The following EPHA3 variants were observed in gnomAD, a reference collection of about 807,000 sequenced individuals.
EPHA3 encodes ephrin type-A receptor 3.
In EPHA3, 42 loss-of-function variants were observed where a neutral mutation model predicts 107.1. The observed-to-expected ratio is 0.39, with a 90% CI of 0.31 to 0.51. The LOEUF (loss-of-function observed/expected upper bound fraction) is 0.51, where lower values mean the gene tolerates loss of function less well. Ranked by LOEUF, EPHA3 falls within the 20% of genes least tolerant of loss-of-function variation. The pLI, the probability that EPHA3 is intolerant of heterozygous loss-of-function variation, is 0.78. For synonymous variants in EPHA3, 461 were observed against 424.8 expected, an observed-to-expected ratio of 1.09 and a Z score of -1.05; for missense variants, 1,183 against 1,211.2, an observed-to-expected ratio of 0.98 and a Z score of 0.35.
chr3:89,225,540 C>A (rs1704483274), intron 3 of EPHA3, among the ~76,000 whole-genome samples: 1 of 152,058 alleles, frequency 6.6e-6, no homozygotes, highest in African/African-American at 2.4e-5. Flanking sequence ...AATGTATTTT[C>A]AAAGAAAGTT....
intron 3 of EPHA3, among the ~76,000 whole-genome samples, chr3:89,325,269 C>T (rs1272513977): frequency 3.3e-5 from 5 of 152,090 alleles, no homozygotes; most frequent in African/African-American, 1.2e-4. Flanking sequence ...CAAATAAATA[C>T]ATTTCTTTCT....
At chr3:89,208,470 G>GAAAGAAAGAAAGAA (rs1706177205) in intron 2 of EPHA3, among the ~76,000 whole-genome samples, 2 of 128,992 alleles carry the variant, frequency 1.6e-5, no homozygotes, top group African/African-American at 6.1e-5. Context: ...AAGAAAGAAA[G>GAAAGAAAGAAAGAA]AAAGAAAGAA....
At chr3:89,215,976 T>C (rs1704215187) in intron 3 of EPHA3, among the ~76,000 whole-genome samples, 2 of 151,978 alleles carry the variant, frequency 1.3e-5, no homozygotes, top group East Asian at 1.9e-4. Context: ...ATCTGCTTTA[T>C]AGTATCAAGT....
At chr3:89,391,382 TTTTTCTTTTCTTTTC>T (rs58910915) in intron 5 of EPHA3, among the ~76,000 whole-genome samples, 1 of 138,364 alleles carries the variant, frequency 7.2e-6, no homozygotes, top group African/African-American at 2.8e-5. Context: ...TATTTGTATT[TTTTTCTTTTCTTTTC>T]TTTTCTTTTC....
intron 3 of EPHA3, among the ~76,000 whole-genome samples, chr3:89,266,737 C>T (rs1459847483): frequency 2.0e-5 from 3 of 151,730 alleles, no homozygotes; most frequent in Non-Finnish European, 2.9e-5. Flanking sequence ...TATTTCTGTT[C>T]GGACTGTAAA....
At chr3:89,185,949 G>A (rs1476157534) in intron 2 of EPHA3, among the ~76,000 whole-genome samples, 7 of 151,932 alleles carry the variant, frequency 4.6e-5, no homozygotes, top group African/African-American at 1.7e-4. Flanking sequence ...TACAAATAAT[G>A]CTTATTTTGT....
intron 2 of EPHA3, among the ~76,000 whole-genome samples, chr3:89,137,799 A>T (rs1037999444): frequency 9.9e-5 from 15 of 152,042 alleles, no homozygotes; most frequent in African/African-American, 3.6e-4. Flanking sequence ...TTAAAATCAT[A>T]TTATTACACA....
chr3:89,135,544 T>C (rs959302566), intron 2 of EPHA3, among the ~76,000 whole-genome samples: 1 of 152,120 alleles, frequency 6.6e-6, no homozygotes, highest in Non-Finnish European at 1.5e-5. Flanking sequence ...AATAATTTGA[T>C]GATTTACACT....
chr3:89,123,365 A>G (rs930295032), intron 1 of EPHA3, among the ~76,000 whole-genome samples: 2 of 148,952 alleles, frequency 1.3e-5, no homozygotes, highest in Non-Finnish European at 3.0e-5. Flanking sequence ...CTGGTCTTGA[A>G]CTCCTGACCT....
At chr3:89,164,401 C>A (rs9883603) in intron 2 of EPHA3, among the ~76,000 whole-genome samples, 2 of 151,970 alleles carry the variant, frequency 1.3e-5, no homozygotes, top group Admixed American at 6.5e-5. Flanking sequence ...GACACGCCCC[C>A]CTAAAAAATC....
intron 2 of EPHA3, among the ~76,000 whole-genome samples, chr3:89,146,654 C>T (rs1188164332): frequency 1.3e-5 from 2 of 151,942 alleles, no homozygotes; most frequent in Non-Finnish European, 2.9e-5. Flanking sequence ...CAATTAGATC[C>T]CATTTTTCAA....
intron 3 of EPHA3, among the ~76,000 whole-genome samples, chr3:89,304,418 A>G (rs796842170): frequency 2.2e-4 from 33 of 152,028 alleles, no homozygotes; most frequent in African/African-American, 7.5e-4. Flanking sequence ...TTTGACTACC[A>G]TATACAATTT....
At chr3:89,363,694 G>T (rs1559665459) in intron 5 of EPHA3, among the ~76,000 whole-genome samples, 1 of 150,862 alleles carries the variant, frequency 6.6e-6, no homozygotes, top group South Asian at 2.1e-4. Flanking sequence ...GTGTGTGTGT[G>T]TGTGCATGCA....
intron 3 of EPHA3, among the ~76,000 whole-genome samples, chr3:89,314,804 G>GA (rs1254865669): frequency 6.6e-6 from 1 of 151,828 alleles, no homozygotes; most frequent in African/African-American, 2.4e-5. Context: ...GAAATTATTT[G>GA]AAAAAAATAT....
chr3:89,178,633 T>C (rs963417445), intron 2 of EPHA3, among the ~76,000 whole-genome samples: 2 of 152,008 alleles, frequency 1.3e-5, no homozygotes, highest in African/African-American at 2.4e-5. Flanking sequence ...CTGAAAATTA[T>C]ATTATAAAAC....
intron 15 of EPHA3, 141 bp downstream of exon 15, chr3:89,450,511 TTCTTTTTTAA>T: frequency 1.4e-6 from 1 of 728,504 alleles, no homozygotes; most frequent in South Asian, 2.4e-5. Flanking sequence ...TATTTCCCCT[TTCTTTTTTAA>T]TCTTTAGAAC....
rs1323859567 is a variant in EPHA3 at position 89,450,312 on chromosome 3, C to A, written c.2632C>A (p.Leu878Met). 3 of 1,613,952 alleles carry A rather than the reference C, an allele frequency of 1.9e-6. No homozygotes were observed. ...CAAGTTTGAGCAGATTGTTAGTATT[C>A]TGGACAAGCTTATCCGGAATCCCGG... ...RPKFEQIVSILDKLIRNPGSL... is the reference protein window; with the variant it reads ...RPKFEQIVSIMDKLIRNPGSL... The change falls in exon 15 of 17, where the codon CTG becomes ATG. Residue 878 changes from leucine to methionine, a missense_variant. Physicochemically the swap from Leu to Met is conservative, Grantham distance 15 (BLOSUM62 2). Coordinates refer to ENST00000336596, the MANE Select transcript of EPHA3 (RefSeq NM_005233.6).
intron 5 of EPHA3, among the ~76,000 whole-genome samples, chr3:89,382,181 G>A (rs867959826): frequency 2.7e-4 from 41 of 152,054 alleles, no homozygotes; most frequent in South Asian, 2.1e-3. Context: ...GGTATGGTGC[G>A]GCCAACAGAT....
At chr3:89,248,681 C>G (rs1204584411) in intron 3 of EPHA3, among the ~76,000 whole-genome samples, 1 of 152,140 alleles carries the variant, frequency 6.6e-6, no homozygotes, top group Admixed American at 6.5e-5. Context: ...ATGCTATAAT[C>G]CCTGCAGCTT....
Sources: gnomAD v4.1 joint callset for allele counts (sites outside exome capture counted in the v4.1 genomes callset) on GRCh38, gnomAD v4.1.1 for gene constraint, MANE v1.5 for transcripts, NCBI Gene and HGNC (gene_info 2026-07-23, HGNC 2026-07-21) for gene names.